WDR12: variants seen among roughly 807,000 people sequenced by gnomAD.
WDR12 encodes the protein ribosome biogenesis protein WDR12.
In WDR12, 42 loss-of-function variants were observed where a neutral mutation model predicts 64.3. The observed-to-expected ratio is 0.65, with a 90% CI of 0.51 to 0.84. The LOEUF (loss-of-function observed/expected upper bound fraction) is 0.84. WDR12 is among the 40% of genes least tolerant of loss of function. The pLI, the probability that WDR12 is intolerant of heterozygous loss-of-function variation, is 0.00. For missense variants in WDR12, 469 were observed against 494.6 expected (o/e 0.95, Z 0.49); for synonymous variants, 158 against 173.3 (o/e 0.91, Z 0.70).
chr2:202,907,969 G>A lies in WDR12; in HGVS notation c.42-10C>T, dbSNP rs771746523. 1 of 1,609,412 alleles carries A rather than the reference G, an allele frequency of 6.2e-7. No individual in the cohort carries two copies. On this transcript the variant is annotated splice_polypyrimidine_tract_variant and intron_variant, in intron 1 of 12. Transcript: ENST00000261015. ...ATCATCTACGGCATATCTATAAAAA[G>A]GAAATGATATGTCAAGATCAAGTCT...
At chr2:202,884,605 ATTAC>A in intron 8 of WDR12, 70 bp from the exon 9 acceptor site, 1 of 1,474,736 alleles carries the variant, frequency 6.8e-7, no homozygotes, top group Non-Finnish European at 9.0e-7. Flanking sequence ...AATAGTACTT[ATTAC>A]TTACAAAGCC....
chr2:202,895,884 T>G (rs965672265), intron 6 of WDR12, 181 bp downstream of exon 6: 1 of 647,462 alleles, frequency 1.5e-6, no homozygotes, highest in East Asian at 3.1e-5. Context: ...AACCAGGGAT[T>G]CAAACTGAGC....
chr2:202,905,571 C>T (rs1197586593), intron 2 of WDR12, among the ~76,000 whole-genome samples: 1 of 152,102 alleles, frequency 6.6e-6, no homozygotes, highest in African/African-American at 2.4e-5. Flanking sequence ...TTGGAGATTC[C>T]TCAAAAAACT....
intron 8 of WDR12, among the ~76,000 whole-genome samples, chr2:202,885,532 C>A (rs938385116): frequency 1.3e-5 from 2 of 152,110 alleles, no homozygotes; most frequent in East Asian, 3.9e-4. Context: ...GTTTCAGCAC[C>A]TTCACACAAA....
rs1313503860 is a variant in WDR12 at position 202,876,575 on chromosome 2, T to C, written c.*4285A>G. The C allele has an allele frequency of 6.6e-6, 1 of 152,242 alleles. No homozygotes were observed. Among genetic ancestry groups the C allele is most frequent in the Non-Finnish European group, 1.5e-5 (1 of 68,050 alleles). The allele number at this position is 152,242 out of a possible 1,614,324, so 9.4% of individuals were successfully genotyped here. On this transcript the variant is annotated 3_prime_UTR_variant, in exon 13 of 13. Transcript: ENST00000261015. The stretch of plus-strand genomic sequence containing the variant: ...AAAAAAGATATTATTGGAATATCCC[T>C]TGCATATAGTCTTAAAATGTCATAT...
Position 202,896,256 on chromosome 2 carries a change from A to G in WDR12, c.455-37T>C, listed in dbSNP as rs1219951931. 6.9e-6 allele frequency: 11 copies of G among 1,596,812 alleles called. No individual in the cohort carries two copies. In the South Asian group the frequency reaches 1.3e-4, roughly 18 times the overall value. On this transcript the variant is annotated intron_variant, in intron 5 of 12. Coordinates refer to ENST00000261015, the MANE Select transcript of WDR12 (RefSeq NM_018256.4). ...AGAACACAAGAATAAGAAACAAATC[A>G]GTATACCATTTAGAATACATCATGT...
chr2:202,904,329 G>GAA (rs898784055), intron 2 of WDR12, among the ~76,000 whole-genome samples: 1 of 144,306 alleles, frequency 6.9e-6, no homozygotes, highest in Non-Finnish European at 1.5e-5. Context: ...ATTCTTCACA[G>GAA]AAAAAAAAAA....
chr2:202,897,888 CAAAAAAA>C (rs10637220), intron 4 of WDR12, among the ~76,000 whole-genome samples: 2 of 74,190 alleles, frequency 2.7e-5, no homozygotes, highest in African/African-American at 4.9e-5. Flanking sequence ...GACTCCGTTT[CAAAAAAA>C]AAAAAAAAAA....
intron 10 of WDR12, 71 bp downstream of exon 10, chr2:202,884,127 G>C (rs1688003458): frequency 6.7e-7 from 1 of 1,484,202 alleles, no homozygotes; most frequent in African/African-American, 1.4e-5. Flanking sequence ...TCCTTTTTTT[G>C]TACATCTCCA....
intron 6 of WDR12, 139 bp from the exon 7 acceptor site, chr2:202,894,765 G>T: frequency 1.6e-6 from 1 of 619,354 alleles, no homozygotes; most frequent in South Asian, 2.8e-5. Context: ...TTTTTCCAGG[G>T]GCAGATAGGA....
intron 2 of WDR12, 101 bp downstream of exon 2, chr2:202,907,764 A>C (rs1485582652): frequency 1.1e-6 from 1 of 886,840 alleles, no homozygotes; most frequent in Non-Finnish European, 1.8e-6. Context: ...TTACCACTAC[A>C]AAATTCATAC....
rs565085924 is a variant in WDR12, at chr2:202,887,745, G to T, written c.742-3210C>A. 2.7e-4 allele frequency among the ~76,000 whole-genome samples: 41 copies of T among 151,200 alleles called. No individual in the cohort carries two copies. The East Asian group carries it at 4.3e-3, about 16-fold the overall frequency. On this transcript the variant is annotated intron_variant, in intron 8 of 12. Coordinates refer to ENST00000261015, the MANE Select transcript of WDR12 (RefSeq NM_018256.4). ...CTACTAAAAATACAAAAAATTAGCCGGGCGCGGTGGCGGGCGCCTGTAGTC... is the reference window on the plus strand; with the variant it reads ...CTACTAAAAATACAAAAAATTAGCCTGGCGCGGTGGCGGGCGCCTGTAGTC...
At chr2:202,907,412 A>T (rs888073507) in intron 2 of WDR12, among the ~76,000 whole-genome samples, 2 of 152,156 alleles carry the variant, frequency 1.3e-5, no homozygotes, top group Non-Finnish European at 2.9e-5. Context: ...CTGGACACAA[A>T]AAATAAAATA....
chr2:202,883,532 T>C, intron 11 of WDR12, 77 bp downstream of exon 11: 1 of 1,461,110 alleles, frequency 6.8e-7, no homozygotes, highest in Non-Finnish European at 9.2e-7. Flanking sequence ...TGGTTTTAGA[T>C]AAGAATTTCA....
Position 202,878,790 on chromosome 2 carries a change from A to G in WDR12, c.*2070T>C, listed in dbSNP as rs1687903153. ...TAATGAGACCAAACATATTTCCCAA[A>G]TATTACTAAAAGGTTGTGAATGCTC... is the stretch of plus-strand genomic sequence containing the variant. On this transcript the variant is annotated 3_prime_UTR_variant, in exon 13 of 13. Transcript: ENST00000261015. The G allele has an allele frequency of 6.6e-6, 1 of 152,228 alleles. No individual in the cohort carries two copies. The highest frequency in any genetic ancestry group is 2.4e-5 in the African/African-American group (1 of 41,448). The allele number at this position is 152,228 out of a possible 1,614,324, so 9.4% of individuals were successfully genotyped here.
intron 8 of WDR12, among the ~76,000 whole-genome samples, chr2:202,891,615 AATTT>A (rs1299081898): frequency 6.6e-6 from 1 of 152,220 alleles, no homozygotes; most frequent in African/African-American, 2.4e-5. Flanking sequence ...TTTGATAAAT[AATTT>A]ATGATCCCAT....
chr2:202,910,264 T>C (rs1427090944), intron 1 of WDR12, among the ~76,000 whole-genome samples: 1 of 152,186 alleles, frequency 6.6e-6, no homozygotes. Context: ...GGGTCATGCC[T>C]GTAATTCCAG....
intron 8 of WDR12, among the ~76,000 whole-genome samples, chr2:202,886,213 T>C (rs1688044926): frequency 6.6e-6 from 1 of 150,944 alleles, no homozygotes; most frequent in Non-Finnish European, 1.5e-5. Context: ...TCCTAGCACT[T>C]TGGGAGGCCG....
At chr2:202,892,547 C>A in intron 8 of WDR12, 70 bp downstream of exon 8, 1 of 1,017,184 alleles carries the variant, frequency 9.8e-7, no homozygotes, top group South Asian at 1.7e-5. Flanking sequence ...CAAAAAAGAC[C>A]ATATTAAATT....
Sources: gnomAD v4.1 joint callset for allele counts (sites outside exome capture counted in the v4.1 genomes callset) on GRCh38, gnomAD v4.1.1 for gene constraint, MANE v1.5 for transcripts, NCBI Gene and HGNC (gene_info 2026-07-23, HGNC 2026-07-21) for gene names.